The following TMEM117 variants were observed in gnomAD, a reference collection of about 807,000 sequenced individuals.
TMEM117 encodes the protein transmembrane protein 117.
A neutral mutation model predicts 52.4 loss-of-function variants in TMEM117; 27 were observed. The ratio of observed to expected loss-of-function variants is 0.51; its 90% confidence interval spans 0.38 to 0.71. The LOEUF (loss-of-function observed/expected upper bound fraction) is 0.71, where lower values mean the gene tolerates loss of function less well. Ranked by LOEUF, TMEM117 falls within the 30% of genes least tolerant of loss-of-function variation. The pLI is 0.00. For synonymous variants in TMEM117, 215 were observed against 206.3 expected (o/e 1.04, Z -0.36); for missense variants, 556 against 630.5 (o/e 0.88, Z 1.26).
chr12:44,057,597 A>T (rs908950637), intron 3 of TMEM117, among the ~76,000 whole-genome samples: 12 of 152,054 alleles, frequency 7.9e-5, no homozygotes, highest in African/African-American at 2.7e-4. Context: ...TGAAAAAAAA[A>T]TATAGGAAAT....
intron 7 of TMEM117, among the ~76,000 whole-genome samples, chr12:44,387,076 T>A (rs1952098327): frequency 6.6e-6 from 1 of 151,854 alleles, no homozygotes; most frequent in East Asian, 1.9e-4. Context: ...AGCAAACCTA[T>A]GAGGTAGGTA....
At chr12:44,018,130 C>T (rs1394387101) in intron 3 of TMEM117, among the ~76,000 whole-genome samples, 1 of 152,084 alleles carries the variant, frequency 6.6e-6, no homozygotes, top group African/African-American at 2.4e-5. Context: ...TGCCCAGACA[C>T]AACCTTTTTC....
chr12:44,003,289 T>C (rs1474197436), intron 3 of TMEM117, among the ~76,000 whole-genome samples: 1 of 152,168 alleles, frequency 6.6e-6, no homozygotes, highest in Non-Finnish European at 1.5e-5. Context: ...GTAGAAGCCA[T>C]GTCATTGTCT....
At chr12:43,873,305 C>T (rs1943737833) in intron 2 of TMEM117, among the ~76,000 whole-genome samples, 2 of 151,966 alleles carry the variant, frequency 1.3e-5, no homozygotes, top group South Asian at 4.1e-4. Flanking sequence ...TTGTGCAGCA[C>T]AGAGATTATT....
chr12:44,340,393 A>C (rs1951400742), intron 6 of TMEM117, among the ~76,000 whole-genome samples: 1 of 152,096 alleles, frequency 6.6e-6, no homozygotes, highest in Admixed American at 6.6e-5. Context: ...TTACCTATCA[A>C]ATCTAAAGGC....
chr12:44,076,476 T>C (rs558600717), intron 3 of TMEM117, among the ~76,000 whole-genome samples: 42 of 152,314 alleles, frequency 2.8e-4, no homozygotes, highest in African/African-American at 9.9e-4. Context: ...TTATAAAAAC[T>C]AATAATGGAT....
intron 7 of TMEM117, among the ~76,000 whole-genome samples, chr12:44,381,651 A>G (rs556956730): frequency 6.6e-6 from 1 of 152,320 alleles, no homozygotes; most frequent in African/African-American, 2.4e-5. Context: ...TGGAACATGT[A>G]GAAGTAAACA....
At chr12:44,023,670 T>C (rs1318340885) in intron 3 of TMEM117, among the ~76,000 whole-genome samples, 4 of 149,934 alleles carry the variant, frequency 2.7e-5, no homozygotes, top group African/African-American at 4.9e-5. Flanking sequence ...TTTGATGGGG[T>C]TGTTTGTTTT....
intron 4 of TMEM117, among the ~76,000 whole-genome samples, chr12:44,198,633 A>G (rs1238390289): frequency 6.6e-6 from 1 of 152,168 alleles, no homozygotes; most frequent in Non-Finnish European, 1.5e-5. Context: ...TTTCATAAGT[A>G]GTGAGGCTTT....
At chr12:44,033,113 AC>A (rs1055314486) in intron 3 of TMEM117, among the ~76,000 whole-genome samples, 16 of 152,256 alleles carry the variant, frequency 1.1e-4, no homozygotes, top group Admixed American at 7.2e-4. Flanking sequence ...ACCCACCAAA[AC>A]CAAGATGGTG....
the TMEM117 span, among the ~76,000 whole-genome samples, chr12:43,827,390 T>G: frequency 6.6e-5 from 10 of 152,142 alleles, no homozygotes; most frequent in Non-Finnish European, 1.3e-4. Flanking sequence ...AAGAGCTTCC[T>G]GAAAATGATG....
At chr12:43,849,620 TTCTC>T (rs72048937) in intron 2 of TMEM117, among the ~76,000 whole-genome samples, 5 of 152,072 alleles carry the variant, frequency 3.3e-5, no homozygotes, top group South Asian at 2.1e-4. Flanking sequence ...TGCAAGTGAA[TTCTC>T]TCTCTCTTTT....
the TMEM117 span, chr12:43,799,525 A>G: frequency 7.3e-7 from 1 of 1,370,154 alleles, no homozygotes. Flanking sequence ...AATAGACTAT[A>G]ATCAGTAATT....
intron 3 of TMEM117, among the ~76,000 whole-genome samples, chr12:43,975,609 A>C (rs1284606309): frequency 1.3e-5 from 2 of 152,194 alleles, no homozygotes; most frequent in Non-Finnish European, 2.9e-5. Flanking sequence ...AGCTACATGG[A>C]GTTTTCCTAG....
chr12:43,796,929 A>G, the TMEM117 span: 7 of 1,578,228 alleles, frequency 4.4e-6, no homozygotes, highest in South Asian at 2.3e-5. Flanking sequence ...ATAGAAATGA[A>G]AAGAAAAATT....
chr12:43,886,597 G>GT (rs1592334243), intron 2 of TMEM117, among the ~76,000 whole-genome samples: 2 of 151,974 alleles, frequency 1.3e-5, no homozygotes, highest in East Asian at 1.9e-4. Context: ...TTTGAGAAAT[G>GT]TTTTTTTTCT....
chr12:43,905,032 A>G (rs191599520), intron 2 of TMEM117, among the ~76,000 whole-genome samples: 2 of 152,210 alleles, frequency 1.3e-5, no homozygotes, highest in Admixed American at 1.3e-4. Flanking sequence ...AATTCCAGCT[A>G]CTTGGGAGGC....
intron 3 of TMEM117, among the ~76,000 whole-genome samples, chr12:44,014,709 C>T (rs938667416): frequency 1.3e-5 from 2 of 152,112 alleles, no homozygotes; most frequent in South Asian, 4.1e-4. Context: ...ACTGGTATCT[C>T]CCATCTGTTG....
intron 3 of TMEM117, among the ~76,000 whole-genome samples, chr12:44,098,909 T>C (rs1269026195): frequency 1.3e-5 from 2 of 152,106 alleles, no homozygotes; most frequent in South Asian, 4.1e-4. Context: ...TTGTGTCATT[T>C]CTTGATCTCA....
Sources: gnomAD v4.1 joint callset for allele counts (sites outside exome capture counted in the v4.1 genomes callset) on GRCh38, gnomAD v4.1.1 for gene constraint, MANE v1.5 for transcripts, NCBI Gene and HGNC (gene_info 2026-07-23, HGNC 2026-07-21) for gene names.